Variants in ABCA5 observed in about 807,000 individuals in gnomAD.
The protein encoded by ABCA5 is cholesterol transporter ABCA5.
In ABCA5, 163 loss-of-function variants were observed where a neutral mutation model predicts 206.0. That is an observed-to-expected ratio of 0.79 (90% confidence interval 0.70 to 0.90). The LOEUF (loss-of-function observed/expected upper bound fraction) is 0.90, where lower values mean the gene tolerates loss of function less well. ABCA5 is among the 40% of genes least tolerant of loss of function. The pLI, the probability that ABCA5 is intolerant of heterozygous loss-of-function variation, is 0.00. For missense variants in ABCA5, 1,859 were observed against 1,912.9 expected, an observed-to-expected ratio of 0.97 and a Z score of 0.53; for synonymous variants, 609 against 613.8, an observed-to-expected ratio of 0.99 and a Z score of 0.11.
intron 23 of ABCA5, among the ~76,000 whole-genome samples, chr17:69,265,647 T>C (rs2075199528): frequency 6.6e-6 from 1 of 151,970 alleles, no homozygotes; most frequent in Non-Finnish European, 1.5e-5. Flanking sequence ...TCCACAGAGA[T>C]AAAGGAAGCA....
Position 69,306,804 on chromosome 17 carries a change from C to T in ABCA5, c.709G>A (p.Ala237Thr), listed in dbSNP as rs760520355. ...IAFSPFGYFL[A>T]IHIVAEKEKK... ...TCTTTTTCTGCTACGATATGAATTG[C>T]CAAAAAGTATCCAAAAGGTGAAAAT... Residue 237 changes from alanine to threonine, a missense_variant, in exon 6 of 39, where the codon GCA becomes ACA. By Grantham distance (58) the Ala-to-Thr change is moderately conservative. Transcript: ENST00000392676. 5.7e-6 allele frequency: 9 copies of T among 1,590,754 alleles called. 1 individual carries two copies. In the South Asian group the frequency reaches 9.2e-5, roughly 16 times the overall value.
intron 7 of ABCA5, chr17:69,304,335 G>A (rs1463825961): frequency 6.2e-6 from 1 of 162,112 alleles, no homozygotes; most frequent in Non-Finnish European, 1.3e-5. Flanking sequence ...AAATTAACTT[G>A]AAAGAGTAAG....
At position 69,268,046 on chromosome 17, in the gene ABCA5, T is replaced by C. The variant is rs1304985924; in HGVS notation, c.3041A>G (p.Asp1014Gly). The change falls in exon 23 of 39, where the codon GAT becomes GGT. Residue 1014 changes from aspartate (D) to glycine (G), a missense_variant. Coordinates refer to ENST00000392676, the MANE Select transcript of ABCA5 (RefSeq NM_172232.4). Reference sequence around the variant, plus strand: ...ATACAGCTCAATTTTAAAAACTATATCAGTAATTTCCTGAAAGACAACCAC... The same window carrying C: ...ATACAGCTCAATTTTAAAAACTATACCAGTAATTTCCTGAAAGACAACCAC... ...WSTPFFQEIT[D>G]IVFKIELYFQ... 13 of 1,557,274 alleles carry C rather than the reference T, an allele frequency of 8.3e-6. No homozygotes were observed. In the Admixed American group the frequency reaches 2.2e-4, roughly 26 times the overall value.
In ABCA5 at chr17:69,297,362, G is replaced by A; in HGVS notation, c.1268-3C>T. 6.3e-7 allele frequency: 1 copy of A among 1,577,238 alleles called. No individual in the cohort carries two copies. Among genetic ancestry groups the A allele is most frequent in the Non-Finnish European group, 8.6e-7 (1 of 1,169,232 alleles). ...TGATCTCCGTAAGCCAAATTCCCCT[G>A]AAAAATAAACATTAAAAAACTGAGT... On this transcript the variant is annotated splice_region_variant and splice_polypyrimidine_tract_variant and intron_variant, in intron 9 of 38. Transcript: ENST00000392676.
chr17:69,268,095 T>C (rs920126016), intron 22 of ABCA5, 39 bp from the exon 23 acceptor site: 7 of 916,606 alleles, frequency 7.6e-6, no homozygotes, highest in Non-Finnish European at 1.1e-5. Flanking sequence ...GAACTGAGAA[T>C]CATTTTATAT....
rs1405921675 is a variant in ABCA5 at position 69,289,869 on chromosome 17, A to C, written c.1775T>G (p.Ile592Arg). Residue 592 changes from isoleucine to arginine, a missense_variant, in exon 13 of 39, where the codon ATA (isoleucine) becomes AGA (arginine). Physicochemically the swap from Ile to Arg is moderately conservative, Grantham distance 97. Transcript: ENST00000392676. Reference sequence around the variant, plus strand: ...TCTATATGAATAGCATACTTCTTGTATTATATTGTTGGCTGGTATCCCTTT... The same window carrying C: ...TCTATATGAATAGCATACTTCTTGTCTTATATTGTTGGCTGGTATCCCTTT... ...SIKGIPANNI[I>R]QEVQKVLLDL... The C allele has an allele frequency of 1.9e-6, 3 of 1,602,812 alleles. No individual in the cohort carries two copies. The highest frequency in any genetic ancestry group is 2.6e-6 in the Non-Finnish European group (3 of 1,174,882).
intron 6 of ABCA5, among the ~76,000 whole-genome samples, chr17:69,305,694 AC>A (rs1352505253): frequency 1.3e-5 from 2 of 151,936 alleles, no homozygotes; most frequent in African/African-American, 4.8e-5. Context: ...ACATGGCGAG[AC>A]CCCCGTCCCT....
At position 69,251,590 on chromosome 17, in the gene ABCA5, A is replaced by C. The variant is rs542287406; in HGVS notation, c.4535+157T>G. On this transcript the variant is annotated intron_variant, in intron 35 of 38. Coordinates refer to ENST00000392676, the MANE Select transcript of ABCA5 (RefSeq NM_172232.4). ...AAGTAGACAGCCATATTTTTAAAAA[A>C]CTCAACATACTTCCAAGTCAATCTA... The C allele has an allele frequency of 1.2e-5, 12 of 967,958 alleles. No homozygotes were observed. In the East Asian group the frequency reaches 3.5e-4, roughly 28 times the overall value. The allele number at this position is 967,958 out of a possible 1,614,324, so 60.0% of individuals were successfully genotyped here.
chr17:69,279,775 A>C (rs1464488049), intron 18 of ABCA5, among the ~76,000 whole-genome samples: 2 of 152,228 alleles, frequency 1.3e-5, no homozygotes, highest in Admixed American at 1.3e-4. Context: ...AAAAACGAGC[A>C]ATGGGGAAAG....
At chr17:69,271,796 G>A (rs1779746469) in intron 20 of ABCA5, among the ~76,000 whole-genome samples, 1 of 152,124 alleles carries the variant, frequency 6.6e-6, no homozygotes, top group African/African-American at 2.4e-5. Flanking sequence ...GTTCAGAAAG[G>A]TATAGGTGTG....
Position 69,256,792 on chromosome 17 carries a change from C to T in ABCA5, c.3732-509G>A, listed in dbSNP as rs935161474. Among the ~76,000 whole-genome samples the T allele has an allele frequency of 3.3e-4, 50 of 151,784 alleles. 1 individual carries two copies. Among genetic ancestry groups the T allele is most frequent in the Admixed American group, 1.8e-3 (27 of 15,212 alleles). On this transcript the variant is annotated intron_variant, in intron 28 of 38. Coordinates refer to ENST00000392676, the MANE Select transcript of ABCA5 (RefSeq NM_172232.4). Reference sequence around the variant, plus strand: ...TTTTCAATGACTGATAACATTTGGACGATATTATCTAAATTCATTCATTTA... The same window carrying T: ...TTTTCAATGACTGATAACATTTGGATGATATTATCTAAATTCATTCATTTA...
chr17:69,311,708 T>G (rs960107556), intron 3 of ABCA5, among the ~76,000 whole-genome samples: 2 of 152,118 alleles, frequency 1.3e-5, no homozygotes, highest in Admixed American at 1.3e-4. Flanking sequence ...GCCAGTCTGG[T>G]CTCAAACCCC....
At chr17:69,291,675 C>CA (rs999689291) in intron 11 of ABCA5, among the ~76,000 whole-genome samples, 4 of 151,564 alleles carry the variant, frequency 2.6e-5, no homozygotes, top group East Asian at 1.9e-4. Flanking sequence ...AATAAACTGG[C>CA]AAAAAAACAA....
rs564873110 is a variant in ABCA5, at chr17:69,320,906, T to A, written c.-16+6146A>T. Among the ~76,000 whole-genome samples the A allele has an allele frequency of 7.9e-5, 12 of 152,320 alleles. No individual in the cohort carries two copies. In the East Asian group the frequency reaches 1.9e-3, roughly 25 times the overall value. ...AATGATGAGGTGCTGGGGAAAATAT[T>A]TGGCTTCCTTTTCAGGTGTCGAGAC... is the stretch of plus-strand genomic sequence containing the variant. On this transcript the variant is annotated intron_variant, in intron 1 of 38. Transcript: ENST00000392676.
chr17:69,258,759 T>C (rs2075111810), intron 28 of ABCA5, among the ~76,000 whole-genome samples: 1 of 152,134 alleles, frequency 6.6e-6, no homozygotes, highest in African/African-American at 2.4e-5. Context: ...AATGGAACTT[T>C]TATGTTATTT....
intron 1 of ABCA5, among the ~76,000 whole-genome samples, chr17:69,320,662 C>A (rs555215726): frequency 6.6e-6 from 1 of 152,088 alleles, no homozygotes; most frequent in Non-Finnish European, 1.5e-5. Flanking sequence ...TAAACTTTAA[C>A]GTTGATCTAA....
chr17:69,301,974 G>A (rs915071493), intron 8 of ABCA5, among the ~76,000 whole-genome samples: 6 of 152,196 alleles, frequency 3.9e-5, no homozygotes, highest in African/African-American at 1.2e-4. Flanking sequence ...ACGCGGACTC[G>A]GGGACTCAAT....
chr17:69,297,174 C>A lies in ABCA5; in HGVS notation c.1436+17G>T. The A allele has an allele frequency of 1.2e-6, 2 of 1,600,044 alleles. No homozygotes were observed. Among genetic ancestry groups the A allele is most frequent in the South Asian group, 1.1e-5 (1 of 87,380 alleles). On this transcript the variant is annotated intron_variant, in intron 10 of 38. Transcript: ENST00000392676. ...TCAGCAGTTCTTATACCTAAATTGC[C>A]AAAGATTGAACCATACCTTATGGCT... is the stretch of plus-strand genomic sequence containing the variant.
chr17:69,261,250 C>A lies in ABCA5; in HGVS notation c.3439G>T (p.Ala1147Ser). The A allele has an allele frequency of 6.3e-7, 1 of 1,588,988 alleles. No individual in the cohort carries two copies. The highest frequency in any genetic ancestry group is 1.2e-5 in the South Asian group (1 of 84,164). Residue 1147 changes from alanine to serine, a missense_variant, in exon 26 of 39, where the codon GCT (alanine) becomes TCT (serine). Ala to Ser is a moderately conservative substitution (Grantham distance 99). Transcript: ENST00000392676. ...WSFIYSVAAL[A>S]CIAITEITFF... ...GTTATTTCAGTGATTGCAATACAAGCCAACGCTGCCTAAAGAAAAAAATAA... is the reference window on the plus strand; with the variant it reads ...GTTATTTCAGTGATTGCAATACAAGACAACGCTGCCTAAAGAAAAAAATAA...
Sources: allele counts gnomAD v4.1 joint callset (sites outside exome capture counted in the v4.1 genomes callset), GRCh38; gene constraint gnomAD v4.1.1; transcripts MANE v1.5; gene names NCBI Gene and HGNC (gene_info 2026-07-23, HGNC 2026-07-21).